Variants in TLL1 observed in about 807,000 individuals in gnomAD.
The protein encoded by TLL1 is tolloid-like protein 1.
Under a neutral mutation model 128.2 loss-of-function variants are expected in TLL1, and 49 were observed. The ratio of observed to expected loss-of-function variants is 0.38; its 90% CI spans 0.30 to 0.48. The LOEUF is 0.48. TLL1 is among the 20% of genes least tolerant of loss of function. The pLI is 0.96. For synonymous variants in TLL1, 454 were observed against 418.8 expected (o/e 1.08, Z -1.03); for missense variants, 1,123 against 1,242.0 (o/e 0.90, Z 1.44).
chr4:165,936,766 A>G (rs1733781615), intron 1 of TLL1, among the ~76,000 whole-genome samples: 1 of 152,000 alleles, frequency 6.6e-6, no homozygotes, highest in South Asian at 2.1e-4. Context: ...TGTCTCTACT[A>G]AAAATAATTT....
chr4:166,018,348 A>G (rs1738050689), intron 8 of TLL1, among the ~76,000 whole-genome samples: 1 of 152,146 alleles, frequency 6.6e-6, no homozygotes, highest in African/African-American at 2.4e-5. Context: ...AAACTATAAG[A>G]AGCCTTAAAT....
chr4:165,961,050 T>C (rs1220713419), intron 1 of TLL1, among the ~76,000 whole-genome samples: 1 of 152,122 alleles, frequency 6.6e-6, no homozygotes, highest in East Asian at 1.9e-4. Flanking sequence ...ACTGGCAATA[T>C]GATTCAATAC....
At chr4:165,954,187 TAAG>T (rs1297254415) in intron 1 of TLL1, among the ~76,000 whole-genome samples, 3 of 152,052 alleles carry the variant, frequency 2.0e-5, no homozygotes, top group Admixed American at 1.3e-4. Context: ...TACCCAATAA[TAAG>T]AAGAGAAACA....
chr4:165,951,876 A>AT (rs200286109), intron 1 of TLL1, among the ~76,000 whole-genome samples: 6 of 151,944 alleles, frequency 3.9e-5, no homozygotes, highest in Admixed American at 2.6e-4. Flanking sequence ...GTTGTTGATA[A>AT]TTTTTTTTCT....
In TLL1 at chr4:166,056,741, A is replaced by G. The variant is rs10016784; in HGVS notation, c.1721-443A>G. ...TATCCTCATTTGACTTCAAATTCAG[A>G]AAAACACACACTGTGTCTGAGATAA... On this transcript the variant is annotated intron_variant, in intron 13 of 20. Coordinates refer to ENST00000061240, the MANE Select transcript of TLL1 (RefSeq NM_012464.5). Among the ~76,000 whole-genome samples, 1,408 of 152,282 alleles carry G rather than the reference A, an allele frequency of 9.2e-3. 18 individuals carry two copies. Among genetic ancestry groups the G allele is most frequent in the African/African-American group, 0.032 (1,321 of 41,562 alleles).
intron 1 of TLL1, among the ~76,000 whole-genome samples, chr4:165,888,913 A>G (rs1731275654): frequency 6.6e-6 from 1 of 152,222 alleles, no homozygotes; most frequent in Non-Finnish European, 1.5e-5. Flanking sequence ...CCTATGAGAC[A>G]TCAAAATTCA....
At chr4:165,941,652 A>G (rs1294781278) in intron 1 of TLL1, among the ~76,000 whole-genome samples, 2 of 152,292 alleles carry the variant, frequency 1.3e-5, no homozygotes, top group South Asian at 2.1e-4. Context: ...GATTTGAAGT[A>G]TATTCATTTG....
chr4:166,080,739 T>C (rs1370336789), intron 18 of TLL1, among the ~76,000 whole-genome samples: 2 of 152,152 alleles, frequency 1.3e-5, no homozygotes, highest in Non-Finnish European at 2.9e-5. Context: ...AAGCCAAGAT[T>C]GGGTTTTCTT....
At chr4:165,939,600 T>G (rs1227804306) in intron 1 of TLL1, among the ~76,000 whole-genome samples, 5 of 152,088 alleles carry the variant, frequency 3.3e-5, no homozygotes, top group African/African-American at 1.2e-4. Flanking sequence ...CTATTGAAGC[T>G]TTCTAGAGTT....
At chr4:166,060,329 C>A in intron 15 of TLL1, 141 bp downstream of exon 15, 1 of 917,640 alleles carries the variant, frequency 1.1e-6, no homozygotes, top group Non-Finnish European at 1.7e-6. Flanking sequence ...ATTTCTGCAA[C>A]TGCTTATGAA....
intron 1 of TLL1, among the ~76,000 whole-genome samples, chr4:165,949,865 C>T (rs1004923077): frequency 2.6e-5 from 4 of 151,824 alleles, no homozygotes; most frequent in Non-Finnish European, 1.5e-5. Context: ...ATTATATCAA[C>T]AACAAAACGT....
At chr4:165,953,631 TATATA>T (rs1734644645) in intron 1 of TLL1, among the ~76,000 whole-genome samples, 1 of 10,256 alleles carries the variant, frequency 9.8e-5, no homozygotes, top group East Asian at 8.2e-4. Flanking sequence ...CTCTGTCATA[TATATA>T]TATATATATA....
intron 16 of TLL1, among the ~76,000 whole-genome samples, chr4:166,068,227 TA>T (rs1740661738): frequency 6.6e-6 from 1 of 151,686 alleles, no homozygotes; most frequent in African/African-American, 2.4e-5. Flanking sequence ...AAGGGAAGGT[TA>T]AAAACATGTT....
chr4:166,067,845 G>A (rs1010256940), intron 16 of TLL1, among the ~76,000 whole-genome samples: 2 of 151,616 alleles, frequency 1.3e-5, no homozygotes, highest in East Asian at 1.9e-4. Context: ...GACAGATGAG[G>A]CAGCTGAGGA....
chr4:166,090,643 A>G (rs1028095496), intron 18 of TLL1, among the ~76,000 whole-genome samples: 31 of 152,050 alleles, frequency 2.0e-4, no homozygotes, highest in Non-Finnish European at 1.5e-5. Flanking sequence ...TTCTCCTTTC[A>G]TTTATGCTAT....
At chr4:165,898,127 A>C (rs1211866513) in intron 1 of TLL1, among the ~76,000 whole-genome samples, 7 of 152,054 alleles carry the variant, frequency 4.6e-5, no homozygotes, top group African/African-American at 1.7e-4. Flanking sequence ...ATGAGATTTT[A>C]AGCTGAGACT....
At chr4:166,052,358 C>T (rs1003438506) in intron 12 of TLL1, among the ~76,000 whole-genome samples, 2 of 152,210 alleles carry the variant, frequency 1.3e-5, no homozygotes, top group South Asian at 2.1e-4. Context: ...TGCAGTGGCA[C>T]GATCTTGGCT....
At chr4:166,056,070 A>T (rs996964813) in intron 13 of TLL1, among the ~76,000 whole-genome samples, 1 of 152,072 alleles carries the variant, frequency 6.6e-6, no homozygotes, top group Admixed American at 6.6e-5. Flanking sequence ...AGTGTAATGG[A>T]TTTTCCCTGG....
chr4:165,913,394 T>C (rs1453727800), intron 1 of TLL1, among the ~76,000 whole-genome samples: 3 of 152,200 alleles, frequency 2.0e-5, no homozygotes, highest in African/African-American at 7.2e-5. Flanking sequence ...AGAGACAGCA[T>C]ATATATGTTA....
Sources: allele counts gnomAD v4.1 joint callset (sites outside exome capture counted in the v4.1 genomes callset), GRCh38; gene constraint gnomAD v4.1.1; transcripts MANE v1.5; gene names NCBI Gene and HGNC (gene_info 2026-07-23, HGNC 2026-07-21).